The following L3HYPDH variants were observed in gnomAD, a reference collection of about 807,000 sequenced individuals.
L3HYPDH encodes trans-3-hydroxy-L-proline dehydratase.
Under a neutral mutation model 26.5 loss-of-function variants are expected in L3HYPDH, and 32 were observed. The ratio of observed to expected loss-of-function variants is 1.21; its 90% confidence interval spans 0.91 to 1.62. The LOEUF is 1.62. Among genes scored for constraint, L3HYPDH ranks in the 40% most tolerant of loss-of-function variants. L3HYPDH has a pLI of 0.00. For synonymous variants in L3HYPDH, 215 were observed against 196.6 expected (o/e 1.09, Z -0.78); for missense variants, 554 against 476.4 (o/e 1.16, Z -1.52).
chr14:59,494,123 T>G, the L3HYPDH span, among the ~76,000 whole-genome samples: 90 of 138,010 alleles, frequency 6.5e-4, no homozygotes, highest in Non-Finnish European at 1.1e-3. Context: ...AAAATTTGGG[T>G]GTGTGTGTGT....
At chr14:59,489,273 C>T (rs1475532515), upstream of L3HYPDH, among the ~76,000 whole-genome samples, 2 of 152,248 alleles carry the variant, frequency 1.3e-5, no homozygotes, top group Non-Finnish European at 2.9e-5. Context: ...CACAGCACAT[C>T]TTGGATGTTT....
At chr14:59,502,755 T>TGTTTTTTTTTTTTTTGTTTTTTTGTTTTG in the L3HYPDH span, among the ~76,000 whole-genome samples, 2 of 122,912 alleles carry the variant, frequency 1.6e-5, no homozygotes, top group African/African-American at 6.0e-5. Context: ...ATGAGATTTT[T>TGTTTTTTTTTTTTTTGTTTTTTTGTTTTG]TTTTTTTTTT....
chr14:59,492,253 T>TA, the L3HYPDH span, among the ~76,000 whole-genome samples: 3,912 of 147,878 alleles, frequency 0.026, 165 homozygotes, highest in African/African-American at 0.091. Context: ...CTTGCCAAAA[T>TA]AAAAAAAAAG....
the L3HYPDH span, among the ~76,000 whole-genome samples, chr14:59,493,948 T>C: frequency 6.6e-6 from 1 of 151,974 alleles, no homozygotes; most frequent in African/African-American, 2.4e-5. Context: ...GTTGGGAAGG[T>C]AGGGGTGGGA....
rs770067663 is a variant in L3HYPDH at position 59,479,320 on chromosome 14, C to G, written c.540G>C (p.Lys180Asn). The change falls in exon 2 of 5, where the codon AAG becomes AAC. Residue 180 changes from lysine (K) to asparagine (N), a missense_variant. By Grantham distance (94) the Lys-to-Asn change is moderately conservative. Coordinates refer to ENST00000247194, the MANE Select transcript of L3HYPDH (RefSeq NM_144581.2). ...DLMVDVPGHG[K>N]VMVDIAYGGA... ...CGCCATATGCAATGTCCACCATCACCTTTCCATGTCCAGGAACATCCACCA... is the reference window on the plus strand; with the variant it reads ...CGCCATATGCAATGTCCACCATCACGTTTCCATGTCCAGGAACATCCACCA... The G allele has an allele frequency of 5.9e-5, 95 of 1,612,560 alleles. 1 individual carries two copies. Among genetic ancestry groups the G allele is most frequent in the Non-Finnish European group, 4.2e-6 (5 of 1,179,726 alleles).
chr14:59,496,147 C>T, the L3HYPDH span, among the ~76,000 whole-genome samples: 2 of 152,290 alleles, frequency 1.3e-5, no homozygotes, highest in Middle Eastern at 3.4e-3. Context: ...CTTAAGTGAT[C>T]TACCCACCTT....
intron 1 of L3HYPDH, chr14:59,483,552 T>A (rs1196185023): frequency 1.4e-6 from 2 of 1,402,410 alleles, no homozygotes; most frequent in African/African-American, 2.9e-5. Flanking sequence ...AGGCGCTGAG[T>A]CAGGGTAACA....
chr14:59,484,119 CAT>C lies in L3HYPDH; in HGVS notation c.196_197del (p.Met66ValfsTer132). ...QHLDHVRRRL[M>X]FEPRGHRDMY... Reference sequence around the variant, plus strand: ...TGTCCCGGTGCCCTCGGGGCTCGAACATGAGCCGTCGCCGCACGTGGTCAAGG... The same window carrying C: ...TGTCCCGGTGCCCTCGGGGCTCGAACGAGCCGTCGCCGCACGTGGTCAAGG... On this transcript the variant is annotated frameshift_variant, in exon 1 of 5. Coordinates refer to ENST00000247194, the MANE Select transcript of L3HYPDH (RefSeq NM_144581.2). LOFTEE classifies it high-confidence loss of function. 1 of 1,603,380 alleles carries C rather than the reference CAT, an allele frequency of 6.2e-7. No individual in the cohort carries two copies. The highest frequency in any genetic ancestry group is 8.5e-7 in the Non-Finnish European group (1 of 1,179,062).
chr14:59,484,004 C>G lies in L3HYPDH; in HGVS notation c.313G>C (p.Gly105Arg), dbSNP rs572473724. The G allele has an allele frequency of 1.4e-5, 22 of 1,598,112 alleles. No homozygotes were observed. In the East Asian group the frequency reaches 3.8e-4, roughly 28 times the overall value. Residue 105 changes from glycine to arginine, a missense_variant, in exon 1 of 5, where the codon GGC becomes CGC. Transcript: ENST00000247194. ...CGGCCCAGCGCCAGCACTGCGTGGC[C>G]GCACATGGAGCTGTAGCCCTCGTTG... is the stretch of plus-strand genomic sequence containing the variant. ...LHNEGYSSMC[G>R]HAVLALGRFA... is the part of the protein sequence containing the mutation.
intron 2 of L3HYPDH, 38 bp downstream of exon 2, chr14:59,479,144 G>A (rs1332755348): frequency 4.7e-6 from 7 of 1,475,682 alleles, no homozygotes; most frequent in African/African-American, 1.4e-5. Context: ...CCATGCCACA[G>A]AGAAGGGAAT....
intron 1 of L3HYPDH, among the ~76,000 whole-genome samples, chr14:59,480,262 G>T (rs1889923973): frequency 6.6e-6 from 1 of 152,202 alleles, no homozygotes; most frequent in African/African-American, 2.4e-5. Context: ...CCCTTGAGAA[G>T]AGTGGAGGCT....
chr14:59,502,755 T>TGTTTTGTTTTGTTTTGTTGTTTTG, the L3HYPDH span, among the ~76,000 whole-genome samples: 1 of 122,918 alleles, frequency 8.1e-6, no homozygotes, highest in Non-Finnish European at 1.6e-5. Flanking sequence ...ATGAGATTTT[T>TGTTTTGTTTTGTTTTGTTGTTTTG]TTTTTTTTTT....
the L3HYPDH span, among the ~76,000 whole-genome samples, chr14:59,491,469 A>T: frequency 4.7e-4 from 71 of 152,364 alleles, no homozygotes; most frequent in East Asian, 0.012. Context: ...GGCAAGAAAT[A>T]ATGAAGTTGG....
At chr14:59,496,028 C>A in the L3HYPDH span, among the ~76,000 whole-genome samples, 1 of 152,168 alleles carries the variant, frequency 6.6e-6, no homozygotes, top group Non-Finnish European at 1.5e-5. Context: ...CTCAGCCTCC[C>A]AAGTAGCTGG....
In L3HYPDH at chr14:59,479,208, C is replaced by T; in HGVS notation, c.652G>A (p.Ala218Thr). Residue 218 changes from alanine to threonine, a missense_variant, in exon 2 of 5, where the codon GCA (alanine) becomes ACA (threonine). By Grantham distance (58) the Ala-to-Thr change is moderately conservative. Coordinates refer to ENST00000247194, the MANE Select transcript of L3HYPDH (RefSeq NM_144581.2). ...TGAGCTTTCACTGCCTCTGTCACTG[C>T]ACTCGCTGCATCCACAAGGTCCCTG... ...KTRDLVDAAS[A>T]VTEAVKAQFK... 3 of 1,610,642 alleles carry T rather than the reference C, an allele frequency of 1.9e-6. No homozygotes were observed. The highest frequency in any genetic ancestry group is 2.2e-5 in the South Asian group (2 of 90,092).
chr14:59,498,709 CT>C, the L3HYPDH span: 1 of 1,287,892 alleles, frequency 7.8e-7, no homozygotes, highest in Admixed American at 2.3e-5. Context: ...GTTACAAATT[CT>C]TTATTTTATT....
rs773782219 is a variant in L3HYPDH at position 59,479,179 on chromosome 14, G to GA, written c.678+2dup. 1 of 1,601,190 alleles carries GA rather than the reference G, an allele frequency of 6.2e-7. No individual in the cohort carries two copies. The highest frequency in any genetic ancestry group is 1.3e-5 in the African/African-American group (1 of 74,266). On this transcript the variant is annotated splice_region_variant and intron_variant, in intron 2 of 4. Transcript: ENST00000247194. ...TTGGTTATGAAGGCAGAGTATTACTGACCTGAGCTTTCACTGCCTCTGTCA... is the reference window on the plus strand; with the variant it reads ...TTGGTTATGAAGGCAGAGTATTACTGAACCTGAGCTTTCACTGCCTCTGTCA...
At chr14:59,491,513 A>G in the L3HYPDH span, among the ~76,000 whole-genome samples, 1 of 152,210 alleles carries the variant, frequency 6.6e-6, no homozygotes, top group Non-Finnish European at 1.5e-5. Flanking sequence ...TTCTATAAGG[A>G]AGCAAAATGT....
In L3HYPDH at chr14:59,476,217, G is replaced by C. The variant is rs1352575237; in HGVS notation, c.679-3C>G. ...CTATCAGGATGATTAATTTTAAACT[G>C]CAAGTAACAAAAAAAGATCACATGC... On this transcript the variant is annotated splice_region_variant and splice_polypyrimidine_tract_variant and intron_variant, in intron 2 of 4. Coordinates refer to ENST00000247194, the MANE Select transcript of L3HYPDH (RefSeq NM_144581.2). 1.3e-6 allele frequency: 2 copies of C among 1,537,728 alleles called. No individual in the cohort carries two copies. Among genetic ancestry groups the C allele is most frequent in the Non-Finnish European group, 1.7e-6 (2 of 1,144,658 alleles).
Sources: gnomAD v4.1 joint callset for allele counts (sites outside exome capture counted in the v4.1 genomes callset) on GRCh38, gnomAD v4.1.1 for gene constraint, MANE v1.5 for transcripts, NCBI Gene and HGNC (gene_info 2026-07-23, HGNC 2026-07-21) for gene names.